Variants in MEF2A observed in about 807,000 individuals in gnomAD.
The protein encoded by MEF2A is myocyte enhancer factor 2A.
A neutral mutation model predicts 55.8 loss-of-function variants in MEF2A; 28 were observed. The observed-to-expected ratio is 0.50, with a 90% CI of 0.37 to 0.69. The LOEUF is 0.69. Ranked by LOEUF, MEF2A falls within the 30% of genes least tolerant of loss-of-function variation. The probability of loss-of-function intolerance (pLI) is 0.00; values close to 1 mark genes in which losing one functional copy is unlikely to be tolerated. For synonymous variants in MEF2A, 239 were observed against 227.1 expected, an observed-to-expected ratio of 1.05 and a Z score of -0.47; for missense variants, 528 against 626.2, an observed-to-expected ratio of 0.84 and a Z score of 1.67.
intron 7 of MEF2A, among the ~76,000 whole-genome samples, chr15:99,684,294 TTTC>T (rs1241977319): frequency 6.6e-6 from 1 of 152,244 alleles, no homozygotes; most frequent in Non-Finnish European, 1.5e-5. Flanking sequence ...TCTGTACTGT[TTTC>T]TTTAGTGGTT....
In MEF2A at chr15:99,665,977, A is replaced by G. The variant is rs187605257; in HGVS notation, c.259-5346A>G. ...GATGTGGAGAAATGGGAACACTTTTATACTGCTGGTGGGAGTGTAAATTAG... is the reference window on the plus strand; with the variant it reads ...GATGTGGAGAAATGGGAACACTTTTGTACTGCTGGTGGGAGTGTAAATTAG... On this transcript the variant is annotated intron_variant, in intron 4 of 11. Transcript: ENST00000557942. 3.0e-3 allele frequency among the ~76,000 whole-genome samples: 458 copies of G among 152,312 alleles called. 4 individuals carry two copies. Among genetic ancestry groups the G allele is most frequent in the African/African-American group, 0.01 (429 of 41,580 alleles).
intron 8 of MEF2A, among the ~76,000 whole-genome samples, chr15:99,698,817 A>C (rs1466555743): frequency 2.0e-5 from 3 of 151,982 alleles, no homozygotes; most frequent in Admixed American, 6.6e-5. Context: ...AAACGCAAAA[A>C]CTAGAAATGC....
intron 1 of MEF2A, among the ~76,000 whole-genome samples, chr15:99,581,924 A>G (rs1966054391): frequency 6.6e-6 from 1 of 152,120 alleles, no homozygotes; most frequent in African/African-American, 2.4e-5. Flanking sequence ...AAAAGAGCCA[A>G]AACAGAAAAA....
chr15:99,667,081 A>G (rs2049917100), intron 4 of MEF2A, among the ~76,000 whole-genome samples: 1 of 152,210 alleles, frequency 6.6e-6, no homozygotes, highest in African/African-American at 2.4e-5. Context: ...TCCTTTTAAA[A>G]ACCAATACTT....
In MEF2A at chr15:99,698,605, C is replaced by G. The variant is rs185515167; in HGVS notation, c.859-4757C>G. ...GTTGGGAGTTCGAGACCAGCCTGAT[C>G]AACATGGAGAAACCCCATCTCTACT... is the stretch of plus-strand genomic sequence containing the variant. On this transcript the variant is annotated intron_variant, in intron 8 of 11. Coordinates refer to ENST00000557942, the MANE Select transcript of MEF2A (RefSeq NM_001319206.4). 1.0e-3 allele frequency among the ~76,000 whole-genome samples: 156 copies of G among 152,108 alleles called. 1 individual carries two copies. Among genetic ancestry groups the G allele is most frequent in the Admixed American group, 9.0e-3 (138 of 15,284 alleles).
intron 2 of MEF2A, among the ~76,000 whole-genome samples, chr15:99,606,043 C>G (rs552347121): frequency 6.6e-6 from 1 of 152,246 alleles, no homozygotes; most frequent in East Asian, 1.9e-4. Context: ...TCTACAGTCA[C>G]TGATTTCATG....
chr15:99,578,380 G>A (rs1296659517), intron 1 of MEF2A, among the ~76,000 whole-genome samples: 2 of 152,294 alleles, frequency 1.3e-5, no homozygotes, highest in East Asian at 3.9e-4. Context: ...GCTCTGTCCG[G>A]TTGGTTCCTT....
intron 4 of MEF2A, among the ~76,000 whole-genome samples, chr15:99,662,935 T>G (rs1257045480): frequency 6.6e-6 from 1 of 152,250 alleles, no homozygotes; most frequent in Non-Finnish European, 1.5e-5. Flanking sequence ...ATTTAATTGA[T>G]TTAAATCAGT....
At chr15:99,625,072 G>A (rs2041849511) in intron 2 of MEF2A, among the ~76,000 whole-genome samples, 1 of 152,170 alleles carries the variant, frequency 6.6e-6, no homozygotes, top group Non-Finnish European at 1.5e-5. Context: ...GCACGTTTAA[G>A]ATAGGATAGG....
chr15:99,596,250 A>G (rs1971135392), intron 1 of MEF2A, among the ~76,000 whole-genome samples: 1 of 152,202 alleles, frequency 6.6e-6, no homozygotes, highest in Admixed American at 6.5e-5. Flanking sequence ...GCCATGGGCC[A>G]AATAGCTAAA....
In MEF2A at chr15:99,706,839, G is replaced by T. The variant is rs780683078; in HGVS notation, c.993G>T (p.Pro331=). ...AAGGACTTGTGTACTCAGCAATGCCGACTGCCTACAACACTGGTGAGCCTG... is the reference window on the plus strand; with the variant it reads ...AAGGACTTGTGTACTCAGCAATGCCTACTGCCTACAACACTGGTGAGCCTG... ...PPQGLVYSAM[P]TAYNTDYSLT... Residue 331 remains proline, a synonymous_variant, in exon 10 of 12, where the codon CCG becomes CCT. Transcript: ENST00000557942. The T allele has an allele frequency of 3.1e-6, 5 of 1,613,846 alleles. No homozygotes were observed. The highest frequency in any genetic ancestry group is 4.2e-6 in the Non-Finnish European group (5 of 1,179,874).
intron 2 of MEF2A, among the ~76,000 whole-genome samples, chr15:99,632,583 C>T (rs1467014476): frequency 6.6e-6 from 1 of 152,128 alleles, no homozygotes; most frequent in Non-Finnish European, 1.5e-5. Context: ...CTTAATTTTT[C>T]TGTGTCTCAG....
intron 3 of MEF2A, among the ~76,000 whole-genome samples, chr15:99,644,143 C>G (rs1045870579): frequency 2.0e-5 from 3 of 152,076 alleles, no homozygotes; most frequent in African/African-American, 4.8e-5. Flanking sequence ...TTGACAAATA[C>G]AGAGAAAACA....
At chr15:99,594,815 A>G (rs897911859) in intron 1 of MEF2A, among the ~76,000 whole-genome samples, 1 of 152,210 alleles carries the variant, frequency 6.6e-6, no homozygotes, top group Non-Finnish European at 1.5e-5. Flanking sequence ...TAGAAACTCT[A>G]AATATATTTT....
chr15:99,675,420 A>G lies in MEF2A; in HGVS notation c.632A>G (p.Asp211Gly). The G allele has an allele frequency of 6.2e-7, 1 of 1,613,930 alleles. No homozygotes were observed. Among genetic ancestry groups the G allele is most frequent in the Non-Finnish European group, 8.5e-7 (1 of 1,179,826 alleles). The part of the protein sequence containing the change: ...GNAGGMLSTT[D>G]LTVPNGAGSS... Reference sequence around the variant, plus strand: ...TTAGGTGGGATGTTGAGCACTACAGACCTCACAGTGCCAAATGGAGCTGGA... The same window carrying G: ...TTAGGTGGGATGTTGAGCACTACAGGCCTCACAGTGCCAAATGGAGCTGGA... Residue 211 changes from aspartate (D) to glycine (G), a missense_variant, in exon 7 of 12, where the codon GAC becomes GGC. Physicochemically the swap from Asp to Gly is moderately conservative, Grantham distance 94. Transcript: ENST00000557942.
intron 4 of MEF2A, among the ~76,000 whole-genome samples, chr15:99,665,571 A>C (rs1467208415): frequency 6.6e-6 from 1 of 152,168 alleles, no homozygotes; most frequent in Non-Finnish European, 1.5e-5. Flanking sequence ...CAAAAGCCAA[A>C]ATAGATAAAT....
intron 1 of MEF2A, among the ~76,000 whole-genome samples, chr15:99,570,286 A>C (rs748622083): frequency 5.3e-5 from 8 of 152,166 alleles, no homozygotes; most frequent in Non-Finnish European, 1.0e-4. Flanking sequence ...AGTAAATACC[A>C]ACCCGGGCAT....
At chr15:99,615,296 G>A (rs966126538) in intron 2 of MEF2A, among the ~76,000 whole-genome samples, 1 of 152,048 alleles carries the variant, frequency 6.6e-6, no homozygotes, top group African/African-American at 2.4e-5. Context: ...CTGAGTTTCT[G>A]GTATTTGTCT....
intron 10 of MEF2A, 112 bp from the exon 11 acceptor site, chr15:99,710,522 C>T (rs1355649404): frequency 1.5e-6 from 2 of 1,366,088 alleles, no homozygotes; most frequent in Non-Finnish European, 2.0e-6. Flanking sequence ...GGATTACTGG[C>T]ATGAGCCAGC....
Sources: gnomAD v4.1 joint callset for allele counts (sites outside exome capture counted in the v4.1 genomes callset) on GRCh38, gnomAD v4.1.1 for gene constraint, MANE v1.5 for transcripts, NCBI Gene and HGNC (gene_info 2026-07-23, HGNC 2026-07-21) for gene names.